The following SMARCA2 variants were observed in gnomAD, a reference collection of about 807,000 sequenced individuals.
SMARCA2 encodes the protein SWI/SNF-related matrix-associated actin-dependent regulator of chromatin subfamily A member 2.
Under a neutral mutation model 199.8 loss-of-function variants are expected in SMARCA2, and 61 were observed. The ratio of observed to expected loss-of-function variants is 0.31; its 90% CI spans 0.25 to 0.38. The LOEUF (loss-of-function observed/expected upper bound fraction) is 0.38. Ranked by LOEUF, SMARCA2 falls within the 10% of genes least tolerant of loss-of-function variation. The probability of loss-of-function intolerance (pLI) is 1.00; values close to 1 mark genes in which losing one functional copy is unlikely to be tolerated. For synonymous variants in SMARCA2, 935 were observed against 732.0 expected (o/e 1.28, Z -4.48); for missense variants, 1,344 against 2,012.2 (o/e 0.67, Z 6.35).
chr9:2,146,366 A>G (rs146249818), intron 27 of SMARCA2, among the ~76,000 whole-genome samples: 1 of 152,282 alleles, frequency 6.6e-6, no homozygotes, highest in African/African-American at 2.4e-5. Flanking sequence ...GTCCACAGCA[A>G]TAAGAAATAT....
intron 24 of SMARCA2, among the ~76,000 whole-genome samples, chr9:2,113,999 C>A (rs1450541079): frequency 6.6e-6 from 1 of 152,120 alleles, no homozygotes. Context: ...TGCTTCTGGG[C>A]CAGACAGCAT....
chr9:2,159,529 T>C (rs1325017030), intron 27 of SMARCA2: 2 of 268,488 alleles, frequency 7.4e-6, no homozygotes, highest in African/African-American at 4.4e-5. Flanking sequence ...AATATTAATT[T>C]GTTTTCTTAC....
At chr9:2,034,321 T>C (rs1402183666) in intron 3 of SMARCA2, among the ~76,000 whole-genome samples, 40 of 152,062 alleles carry the variant, frequency 2.6e-4, no homozygotes, top group Admixed American at 2.6e-3. Context: ...TTCAACATAT[T>C]TGGAGGAGGG....
Position 2,119,646 on chromosome 9 carries a change from A to G in SMARCA2, c.3762+111A>G. 1.4e-6 allele frequency: 1 copy of G among 716,382 alleles called. No homozygotes were observed. Among genetic ancestry groups the G allele is most frequent in the South Asian group, 1.6e-5 (1 of 60,660 alleles). The allele number at this position is 716,382 out of a possible 1,614,324, so 44.4% of individuals were successfully genotyped here. ...TGGCAGAACTTCATACGTAAAGCCT[A>G]TGCCTTTCCTTCAGTTCAGAGGCTG... is the stretch of plus-strand genomic sequence containing the variant. On this transcript the variant is annotated intron_variant, in intron 26 of 33. Transcript: ENST00000349721. This position sits in a 1 kb window ranked among gnomAD's most constrained non-coding sequence, Gnocchi z 4.6.
rs536951743 is a variant in SMARCA2, at chr9:2,015,586, C to CA, written c.-37+190dup. 4.1e-3 allele frequency among the ~76,000 whole-genome samples: 618 copies of CA among 151,838 alleles called. 1 individual carries two copies. The highest frequency in any genetic ancestry group is 9.4e-3 in the African/African-American group (387 of 41,374). On this transcript the variant is annotated intron_variant, in intron 1 of 33. Coordinates refer to ENST00000349721, the MANE Select transcript of SMARCA2 (RefSeq NM_003070.5). ...CAAACAGGCGGGCCAACCGCCGCGA[C>CA]AAAAAAAAGCCCGCCTCCTCCCCGC...
chr9:2,172,837 G>A (rs1291764475), intron 29 of SMARCA2, among the ~76,000 whole-genome samples: 4 of 152,180 alleles, frequency 2.6e-5, no homozygotes, highest in Non-Finnish European at 2.9e-5. Flanking sequence ...CCCTGCAGTG[G>A]AAAGTAGATA....
At chr9:2,179,566 C>G (rs1262576539) in intron 29 of SMARCA2, among the ~76,000 whole-genome samples, 1 of 152,134 alleles carries the variant, frequency 6.6e-6, no homozygotes, top group East Asian at 1.9e-4. Context: ...TTTTTAGGGT[C>G]TTACTGAAGA....
At chr9:2,066,133 A>G (rs1243170586) in intron 9 of SMARCA2, among the ~76,000 whole-genome samples, 1 of 152,258 alleles carries the variant, frequency 6.6e-6, no homozygotes, top group East Asian at 1.9e-4. Context: ...CCAGCAAAAC[A>G]GAATGGATAC....
At chr9:2,059,197 G>C (rs1465884422) in intron 8 of SMARCA2, among the ~76,000 whole-genome samples, 2 of 152,170 alleles carry the variant, frequency 1.3e-5, no homozygotes, top group East Asian at 3.8e-4. Flanking sequence ...TATAATTATA[G>C]GAGACCTGCA....
rs533037643 is a variant in SMARCA2, at chr9:2,178,209, G to T, written c.4254-3362G>T. ...ACTTCCATGAAGAGGAGAGGTTCTT[G>T]TCCACCAACACCTGTGAACCGTAAG... On this transcript the variant is annotated intron_variant, in intron 29 of 33. Transcript: ENST00000349721. Among the ~76,000 whole-genome samples the T allele has an allele frequency of 2.6e-5, 4 of 152,174 alleles. No individual in the cohort carries two copies. In the South Asian group the frequency reaches 8.3e-4, roughly 32 times the overall value.
chr9:2,109,810 T>TA (rs1267257803), intron 23 of SMARCA2, among the ~76,000 whole-genome samples: 1 of 152,198 alleles, frequency 6.6e-6, no homozygotes, highest in African/African-American at 2.4e-5. Context: ...TTTCTTGGCA[T>TA]AAAAAAAGTC....
intron 17 of SMARCA2, among the ~76,000 whole-genome samples, chr9:2,084,764 A>G (rs1006199706): frequency 6.6e-6 from 1 of 152,078 alleles, no homozygotes; most frequent in South Asian, 2.1e-4. Context: ...TTCTGTGACT[A>G]TTTATTTGAA....
At chr9:2,171,129 A>C (rs911309219) in intron 29 of SMARCA2, among the ~76,000 whole-genome samples, 18 of 152,160 alleles carry the variant, frequency 1.2e-4, no homozygotes, top group Admixed American at 2.6e-4. Context: ...GATAGTGTGA[A>C]TATTAGATGA....
intron 23 of SMARCA2, among the ~76,000 whole-genome samples, chr9:2,106,010 G>A (rs1306452602): frequency 6.6e-6 from 1 of 152,216 alleles, no homozygotes; most frequent in Non-Finnish European, 1.5e-5. Flanking sequence ...ATTGGCTGCT[G>A]TCCTTTTGTT....
At chr9:2,158,887 A>C in intron 27 of SMARCA2, 1 of 1,578,678 alleles carries the variant, frequency 6.3e-7, no homozygotes, top group Non-Finnish European at 8.6e-7. Context: ...AAAGCACTGC[A>C]TATGGATGTG....
At chr9:2,052,152 A>T (rs1820146900) in intron 5 of SMARCA2, among the ~76,000 whole-genome samples, 1 of 152,196 alleles carries the variant, frequency 6.6e-6, no homozygotes, top group East Asian at 1.9e-4. Context: ...ACCACTTAAA[A>T]ATGCTATTGT....
intron 3 of SMARCA2, among the ~76,000 whole-genome samples, chr9:2,037,519 A>T (rs1819387304): frequency 6.6e-6 from 1 of 152,228 alleles, no homozygotes; most frequent in Non-Finnish European, 1.5e-5. Flanking sequence ...CTCCCTCTCC[A>T]AATGACAATT....
chr9:2,018,105 G>T (rs571693620), intron 1 of SMARCA2: 3 of 152,336 alleles, frequency 2.0e-5, no homozygotes, highest in East Asian at 3.9e-4. Context: ...TCCAACTCTC[G>T]CAGGTTTTAC....
rs752638398 is a variant in SMARCA2, at chr9:2,029,211, A to C, written c.189A>C (p.Thr63=). Residue 63 remains threonine, a synonymous_variant, in exon 2 of 34, where the codon ACA becomes ACC. Coordinates refer to ENST00000349721, the MANE Select transcript of SMARCA2 (RefSeq NM_003070.5). The stretch of plus-strand genomic sequence containing the variant: ...ATCCTATGCCGACGATGGGGTCCAC[A>C]GACTTCCCACAGGAAGGCATGCATC... ...VSHPMPTMGS[T]DFPQEGMHQM... 1.2e-6 allele frequency: 2 copies of C among 1,612,926 alleles called. No individual in the cohort carries two copies. The highest frequency in any genetic ancestry group is 2.2e-5 in the East Asian group (1 of 44,874).
Sources: allele counts gnomAD v4.1 joint callset (sites outside exome capture counted in the v4.1 genomes callset), GRCh38; gene constraint gnomAD v4.1.1; non-coding constraint Gnocchi (gnomAD v3.1); transcripts MANE v1.5; gene names NCBI Gene and HGNC (gene_info 2026-07-23, HGNC 2026-07-21).